Variants in HPSE2 observed in about 807,000 individuals in gnomAD.
The protein encoded by HPSE2 is inactive heparanase-2.
Under a neutral mutation model 60.5 loss-of-function variants are expected in HPSE2, and 38 were observed. That is an observed-to-expected ratio of 0.63 (90% CI 0.48 to 0.82). The LOEUF (loss-of-function observed/expected upper bound fraction) is 0.82. Among genes scored for constraint, HPSE2 ranks in the 40% least tolerant of loss-of-function variants. HPSE2 has a pLI of 0.00. For synonymous variants in HPSE2, 295 were observed against 293.2 expected (o/e 1.01, Z -0.06); for missense variants, 713 against 740.4 (o/e 0.96, Z 0.43).
Position 99,126,828 on chromosome 10 carries a change from G to A in HPSE2, c.610+17410C>T, listed in dbSNP as rs530094290. ...GATGGATCACATCATAGGACTCTTT[G>A]CAGACATTCCCCAGAACCAGCTTGG... is the stretch of plus-strand genomic sequence containing the variant. On this transcript the variant is annotated intron_variant, in intron 3 of 11. Transcript: ENST00000370552. This position sits in a 1 kb window ranked among gnomAD's most constrained non-coding sequence, Gnocchi z 4.0. 1.3e-5 allele frequency among the ~76,000 whole-genome samples: 2 copies of A among 152,248 alleles called. No individual in the cohort carries two copies. The highest frequency in any genetic ancestry group is 4.8e-5 in the African/African-American group (2 of 41,544).
chr10:98,603,239 G>A (rs1176891491), intron 9 of HPSE2, among the ~76,000 whole-genome samples: 1 of 152,130 alleles, frequency 6.6e-6, no homozygotes, highest in Non-Finnish European at 1.5e-5. Context: ...CTGTGCTGGA[G>A]GCTCAGTGTG....
chr10:98,527,201 C>T (rs1192830363), intron 9 of HPSE2, among the ~76,000 whole-genome samples: 1 of 152,128 alleles, frequency 6.6e-6, no homozygotes, highest in African/African-American at 2.4e-5. Flanking sequence ...AGGCTCTCTG[C>T]CTACACTTTT....
At chr10:98,810,465 C>T (rs1951144616) in intron 3 of HPSE2, among the ~76,000 whole-genome samples, 1 of 152,020 alleles carries the variant, frequency 6.6e-6, no homozygotes, top group Admixed American at 6.6e-5. Context: ...GACAATTTAC[C>T]AGAAATGTTT....
At chr10:98,800,322 T>C (rs949306775) in intron 3 of HPSE2, among the ~76,000 whole-genome samples, 6 of 151,444 alleles carry the variant, frequency 4.0e-5, no homozygotes, top group Admixed American at 2.0e-4. Context: ...TGAGCTCTGA[T>C]TGCACCACTG....
At chr10:98,605,135 C>G (rs548661885) in intron 9 of HPSE2, among the ~76,000 whole-genome samples, 1 of 152,326 alleles carries the variant, frequency 6.6e-6, no homozygotes, top group South Asian at 2.1e-4. Flanking sequence ...AGTAATATCT[C>G]CTACCTCAGA....
At chr10:99,282,477 C>T in the HPSE2 span, among the ~76,000 whole-genome samples, 12 of 152,160 alleles carry the variant, frequency 7.9e-5, no homozygotes, top group Middle Eastern at 6.8e-3. Flanking sequence ...AATAGAAGAT[C>T]ACCGAGGACA....
intron 2 of HPSE2, among the ~76,000 whole-genome samples, chr10:99,219,078 T>C (rs953796394): frequency 6.6e-6 from 1 of 152,242 alleles, no homozygotes. Context: ...TTTCCACTCC[T>C]CTGCTTATTC....
Position 98,750,012 on chromosome 10 carries a change from T to C in HPSE2, c.611-5956A>G, listed in dbSNP as rs1211606808. On this transcript the variant is annotated intron_variant, in intron 3 of 11. Coordinates refer to ENST00000370552, the MANE Select transcript of HPSE2 (RefSeq NM_021828.5). ...AAACAGAAAACAGGCCCTACCCTCA[T>C]GGAGGTTACATTTAATGTGGCTGGC... 6.2e-5 allele frequency among the ~76,000 whole-genome samples: 9 copies of C among 146,078 alleles called. No homozygotes were observed. The Admixed American group carries it at 6.3e-4, about 10-fold the overall frequency.
intron 3 of HPSE2, among the ~76,000 whole-genome samples, chr10:98,814,872 T>G (rs1332053838): frequency 6.6e-6 from 1 of 152,256 alleles, no homozygotes; most frequent in Non-Finnish European, 1.5e-5. Flanking sequence ...TTATACATTG[T>G]GGCCGATTAA....
At chr10:98,473,930 G>A (rs1940893384) in intron 11 of HPSE2, among the ~76,000 whole-genome samples, 1 of 152,132 alleles carries the variant, frequency 6.6e-6, no homozygotes, top group Admixed American at 6.5e-5. Flanking sequence ...TGACCCGTAT[G>A]AGTTCTTTGA....
chr10:99,092,077 T>G (rs912079791), intron 3 of HPSE2, among the ~76,000 whole-genome samples: 3 of 152,136 alleles, frequency 2.0e-5, no homozygotes, highest in Non-Finnish European at 2.9e-5. Context: ...GAGTTACTGA[T>G]CAAATAAAAT....
At chr10:99,199,091 A>G (rs773886639) in intron 2 of HPSE2, among the ~76,000 whole-genome samples, 3 of 152,124 alleles carry the variant, frequency 2.0e-5, no homozygotes, top group Non-Finnish European at 4.4e-5. Flanking sequence ...TAATCCATCA[A>G]TGGACATTTA....
At chr10:99,183,210 G>A (rs374609706) in intron 2 of HPSE2, among the ~76,000 whole-genome samples, 2 of 152,028 alleles carry the variant, frequency 1.3e-5, no homozygotes, top group East Asian at 3.9e-4. Context: ...AGTGGCCAAG[G>A]CAACTAGAAT....
Position 99,197,184 on chromosome 10 carries a change from C to T in HPSE2, c.448+35164G>A, listed in dbSNP as rs181562544. Reference sequence around the variant, plus strand: ...GATCTAAAAAGTCAAAACAATTAAACTCATGGACATAGTAAAAGGATTGTT... The same window carrying T: ...GATCTAAAAAGTCAAAACAATTAAATTCATGGACATAGTAAAAGGATTGTT... On this transcript the variant is annotated intron_variant, in intron 2 of 11. Coordinates refer to ENST00000370552, the MANE Select transcript of HPSE2 (RefSeq NM_021828.5). Among the ~76,000 whole-genome samples, 6 of 152,156 alleles carry T rather than the reference C, an allele frequency of 3.9e-5. No homozygotes were observed. In the East Asian group the frequency reaches 9.6e-4, roughly 24 times the overall value.
intron 9 of HPSE2, among the ~76,000 whole-genome samples, chr10:98,523,462 G>A (rs1942865016): frequency 1.3e-5 from 2 of 152,174 alleles, no homozygotes; most frequent in South Asian, 4.1e-4. Flanking sequence ...AAATGTGAAA[G>A]TTTTTCAAAA....
intron 3 of HPSE2, among the ~76,000 whole-genome samples, chr10:99,120,330 A>T (rs1844898278): frequency 6.6e-6 from 1 of 152,252 alleles, no homozygotes; most frequent in Non-Finnish European, 1.5e-5. Context: ...AATCCTATGA[A>T]AAAAAGCTCA....
the HPSE2 span, among the ~76,000 whole-genome samples, chr10:99,285,154 A>C: frequency 2.0e-5 from 3 of 152,016 alleles, no homozygotes; most frequent in African/African-American, 7.2e-5. Context: ...CAATGGGCTG[A>C]GGTAGTGGTT....
At chr10:99,235,930 A>C (rs1589855553), upstream of HPSE2, 32 of 654,736 alleles carry the variant, frequency 4.9e-5, no homozygotes, top group African/African-American at 2.4e-4. Context: ...CCCCCCCAAC[A>C]CACACACACT....
chr10:98,736,308 G>A (rs1949357668), intron 4 of HPSE2, among the ~76,000 whole-genome samples: 2 of 151,836 alleles, frequency 1.3e-5, no homozygotes, highest in Admixed American at 1.3e-4. Context: ...ATGGAACTGT[G>A]AGTGCTTTAA....
Sources: gnomAD v4.1 joint callset for allele counts (sites outside exome capture counted in the v4.1 genomes callset) on GRCh38, gnomAD v4.1.1 for gene constraint, Gnocchi (gnomAD v3.1) non-coding constraint, MANE v1.5 for transcripts, NCBI Gene and HGNC (gene_info 2026-07-23, HGNC 2026-07-21) for gene names.